MEGF6: variants seen among roughly 807,000 people sequenced by gnomAD.
MEGF6 encodes multiple epidermal growth factor-like domains protein 6.
Under a neutral mutation model 207.1 loss-of-function variants are expected in MEGF6, and 184 were observed. The observed-to-expected ratio is 0.89, with a 90% confidence interval of 0.79 to 1.00. MEGF6 has a LOEUF of 1.00. MEGF6 is among the 50% of genes least tolerant of loss of function. The probability of loss-of-function intolerance (pLI) is 0.00; values close to 1 mark genes in which losing one functional copy is unlikely to be tolerated. For missense variants in MEGF6, 2,282 were observed against 2,202.9 expected, an observed-to-expected ratio of 1.04 and a Z score of -0.72; for synonymous variants, 1,038 against 910.0, an observed-to-expected ratio of 1.14 and a Z score of -2.53.
Position 3,496,711 on chromosome 1 carries a change from G to C in MEGF6, c.3686C>G (p.Ala1229Gly), listed in dbSNP as rs777941807. ...GGGGCAGCGGCAGGCCCCCGTGGCC[G>C]CATCACAGGAGCCCCCGTTGAGACA... ...CGCLNGGSCD[A>G]ATGACRCPTG... The change falls in exon 29 of 37, where the codon GCG becomes GGG. Residue 1229 changes from alanine (A) to glycine (G), a missense_variant. By Grantham distance (60) the Ala-to-Gly change is moderately conservative. Coordinates refer to ENST00000356575, the MANE Select transcript of MEGF6 (RefSeq NM_001409.4). 1.9e-6 allele frequency: 3 copies of C among 1,558,756 alleles called. No individual in the cohort carries two copies. In the East Asian group the frequency reaches 7.3e-5, roughly 38 times the overall value.
chr1:3,584,652 C>A (rs565235645), intron 3 of MEGF6, among the ~76,000 whole-genome samples: 1 of 152,366 alleles, frequency 6.6e-6, no homozygotes, highest in South Asian at 2.1e-4. Flanking sequence ...GGCCCACGTC[C>A]CCTCACCATG....
Position 3,556,705 on chromosome 1 carries a change from C to A in MEGF6, c.481+23120G>T, listed in dbSNP as rs1028353304. Among the ~76,000 whole-genome samples, 2 of 152,156 alleles carry A rather than the reference C, an allele frequency of 1.3e-5. No homozygotes were observed. Among genetic ancestry groups the A allele is most frequent in the African/African-American group, 4.8e-5 (2 of 41,428 alleles). On this transcript the variant is annotated intron_variant, in intron 4 of 36. Coordinates refer to ENST00000356575, the MANE Select transcript of MEGF6 (RefSeq NM_001409.4). The surrounding 1 kb of genome is among the most constrained non-coding windows in gnomAD (Gnocchi z 4.4). ...GCTCCATTGTGGACAAGGGGTGGCA[C>A]GTACGTTATCCTTCAAAACAGGACA...
intron 2 of MEGF6, among the ~76,000 whole-genome samples, chr1:3,601,037 CT>C (rs1200247312): frequency 6.6e-6 from 1 of 152,282 alleles, no homozygotes; most frequent in East Asian, 1.9e-4. Flanking sequence ...GTGCCCCCCC[CT>C]CCAAGCAGGG....
At chr1:3,506,904 G>A (rs796572891) in intron 14 of MEGF6, among the ~76,000 whole-genome samples, 3 of 152,354 alleles carry the variant, frequency 2.0e-5, no homozygotes, top group African/African-American at 4.8e-5. Flanking sequence ...GGCGGAAGCC[G>A]AGACAGAAAG....
chr1:3,496,042 G>C (rs377483925), intron 29 of MEGF6, 24 bp from the exon 30 acceptor site: 2 of 1,493,608 alleles, frequency 1.3e-6, no homozygotes, highest in African/African-American at 1.4e-5. Context: ...AGTGGTGATC[G>C]TGGCTGGCTT....
rs771007651 is a variant in MEGF6, at chr1:3,509,091, C to T, written c.1512G>A (p.Thr504=). ...EEEAELRGEH[T]LTEKFVCLDD... ...CGCGCTCACCAAACTTCTCTGTGAG[C>T]GTGTGTTCGCCCCGCAACTCTGCCT... Residue 504 remains threonine, a synonymous_variant, in exon 12 of 37, where the codon ACG becomes ACA. Transcript: ENST00000356575. 1.3e-5 allele frequency: 20 copies of T among 1,596,212 alleles called. No homozygotes were observed. The highest frequency in any genetic ancestry group is 8.7e-5 in the Admixed American group (5 of 57,710).
chr1:3,507,769 G>C, intron 14 of MEGF6, 26 bp downstream of exon 14: 1 of 1,612,620 alleles, frequency 6.2e-7, no homozygotes, highest in Non-Finnish European at 8.5e-7. Flanking sequence ...GGTAATTCCA[G>C]AAGCACCAGA....
intron 4 of MEGF6, among the ~76,000 whole-genome samples, chr1:3,570,673 G>A (rs1329991329): frequency 3.3e-5 from 5 of 152,132 alleles, no homozygotes; most frequent in Non-Finnish European, 5.9e-5. Flanking sequence ...AGACCACATG[G>A]GCCTGGGAAT....
chr1:3,582,907 G>A (rs1465598197), intron 3 of MEGF6, among the ~76,000 whole-genome samples: 3 of 152,172 alleles, frequency 2.0e-5, no homozygotes, highest in Non-Finnish European at 2.9e-5. Context: ...CACTTCCCAT[G>A]CCAGGCCCTG....
At chr1:3,547,066 A>C (rs1642739508) in intron 4 of MEGF6, 1 of 159,966 alleles carries the variant, frequency 6.3e-6, no homozygotes, top group African/African-American at 2.4e-5. Context: ...GAAGCCCCCC[A>C]CGGTGTCCCG....
the MEGF6 span, among the ~76,000 whole-genome samples, chr1:3,621,064 T>C: frequency 1.3e-5 from 2 of 152,210 alleles, no homozygotes; most frequent in African/African-American, 4.8e-5. Flanking sequence ...GGATGGAACA[T>C]GAAAGCGGAC....
chr1:3,499,358 T>C, intron 23 of MEGF6, 92 bp from the exon 24 acceptor site: 1 of 1,472,306 alleles, frequency 6.8e-7, no homozygotes, highest in South Asian at 1.3e-5. Context: ...TCTGCCGGGG[T>C]CCCCTCGGCT....
At chr1:3,609,777 A>T (rs2101911546) in intron 1 of MEGF6, among the ~76,000 whole-genome samples, 1 of 152,332 alleles carries the variant, frequency 6.6e-6, no homozygotes, top group Non-Finnish European at 1.5e-5. Flanking sequence ...TGGAGACCCC[A>T]GCAAGTCTGA....
At chr1:3,583,038 G>A (rs921238401) in intron 3 of MEGF6, among the ~76,000 whole-genome samples, 1 of 152,196 alleles carries the variant, frequency 6.6e-6, no homozygotes, top group Non-Finnish European at 1.5e-5. Flanking sequence ...CCACCGCATG[G>A]CCAGGCCAGC....
chr1:3,506,123 G>C lies in MEGF6; in HGVS notation c.1903C>G (p.Arg635Gly). The change falls in exon 15 of 37, where the codon CGC becomes GGC. Residue 635 changes from arginine to glycine, a missense_variant. Transcript: ENST00000356575. The part of the protein sequence containing the change: ...ACLCDPGLYG[R>G]FCHLTCPPWA... ...TGAGACTCACTGAGGTGGCAGAAGC[G>C]GCCGTAGAGCCCTGGGTCGCAGAGG... The C allele has an allele frequency of 6.3e-7, 1 of 1,594,844 alleles. No individual in the cohort carries two copies. Among genetic ancestry groups the C allele is most frequent in the South Asian group, 1.1e-5 (1 of 88,220 alleles).
chr1:3,520,894 T>C (rs1641721906), intron 5 of MEGF6, among the ~76,000 whole-genome samples: 1 of 152,156 alleles, frequency 6.6e-6, no homozygotes, highest in South Asian at 2.1e-4. Flanking sequence ...TGCAGCCTCC[T>C]CTGGGGCCTT....
At position 3,509,578 on chromosome 1, in the gene MEGF6, G is replaced by T. The variant is rs1015955086; in HGVS notation, c.1357+292C>A. 2.0e-5 allele frequency among the ~76,000 whole-genome samples: 3 copies of T among 152,174 alleles called. No homozygotes were observed. The East Asian group carries it at 5.8e-4, about 29-fold the overall frequency. On this transcript the variant is annotated intron_variant, in intron 11 of 36. Transcript: ENST00000356575. ...CAGGGACAACATCACCTTAGGTCTT[G>T]GTCCCTTCTCTCACGTGGTCAGGAC... is the stretch of plus-strand genomic sequence containing the variant.
chr1:3,491,182 T>G (rs1374022516), intron 35 of MEGF6, among the ~76,000 whole-genome samples: 1 of 150,836 alleles, frequency 6.6e-6, no homozygotes, highest in Non-Finnish European at 1.5e-5. Flanking sequence ...CCTCCAAGCC[T>G]CTACTACCCG....
At chr1:3,531,568 C>G in intron 4 of MEGF6, 2 of 923,938 alleles carry the variant, frequency 2.2e-6, no homozygotes, top group Non-Finnish European at 2.6e-6. Context: ...CCGCCCGCCC[C>G]GCGCATTCCA....
Sources: gnomAD v4.1 joint callset for allele counts (sites outside exome capture counted in the v4.1 genomes callset) on GRCh38, gnomAD v4.1.1 for gene constraint, Gnocchi (gnomAD v3.1) non-coding constraint, MANE v1.5 for transcripts, NCBI Gene and HGNC (gene_info 2026-07-23, HGNC 2026-07-21) for gene names.